MGAT4C: variants seen among roughly 807,000 people sequenced by gnomAD.
The protein encoded by MGAT4C is MGAT4 family member C.
In MGAT4C, 19 loss-of-function variants were observed where a neutral mutation model predicts 40.1. That is an observed-to-expected ratio of 0.47 (90% CI 0.33 to 0.70). The LOEUF (loss-of-function observed/expected upper bound fraction) is 0.70, where lower values mean the gene tolerates loss of function less well. Among genes scored for constraint, MGAT4C ranks in the 30% least tolerant of loss-of-function variants. The pLI is 0.02. For synonymous variants in MGAT4C, 181 were observed against 187.1 expected (o/e 0.97, Z 0.27); for missense variants, 491 against 563.2 (o/e 0.87, Z 1.30).
chr12:86,544,223 G>T lies in MGAT4C; in HGVS notation c.-228-108958C>A, dbSNP rs868016721. On this transcript the variant is annotated intron_variant, in intron 2 of 7. Coordinates refer to the MGAT4C transcript ENST00000548651. ...AATAATCTAAACTGTACATACTTTA[G>T]ATAAAATCATATTCCTGCATACATA... 2.0e-5 allele frequency among the ~76,000 whole-genome samples: 3 copies of T among 152,178 alleles called. No homozygotes were observed. In the South Asian group the frequency reaches 6.2e-4, roughly 32 times the overall value.
At chr12:86,363,794 T>C (rs1265149591) in intron 3 of MGAT4C, among the ~76,000 whole-genome samples, 2 of 151,732 alleles carry the variant, frequency 1.3e-5, no homozygotes, top group Non-Finnish European at 2.9e-5. Flanking sequence ...CCAACATCAG[T>C]AGGAAAGAGG....
intron 2 of MGAT4C, among the ~76,000 whole-genome samples, chr12:86,542,583 C>T (rs751837558): frequency 3.7e-4 from 56 of 152,276 alleles, no homozygotes; most frequent in Non-Finnish European, 3.1e-4. Flanking sequence ...CTTTTCCTCT[C>T]ATAGTACCTT....
intron 3 of MGAT4C, among the ~76,000 whole-genome samples, chr12:86,418,447 A>G (rs570788443): frequency 1.1e-4 from 16 of 152,082 alleles, no homozygotes; most frequent in African/African-American, 3.6e-4. Flanking sequence ...TACCAAAAAT[A>G]CAGGCATGGT....
At chr12:86,627,719 C>T (rs950262473) in intron 2 of MGAT4C, among the ~76,000 whole-genome samples, 6 of 152,258 alleles carry the variant, frequency 3.9e-5, no homozygotes, top group African/African-American at 1.4e-4. Context: ...AGGACATTCA[C>T]ACCAAAACCC....
intron 1 of MGAT4C, among the ~76,000 whole-genome samples, chr12:86,795,044 TTAAAAC>T (rs963417619): frequency 1.3e-5 from 2 of 151,970 alleles, no homozygotes; most frequent in African/African-American, 4.8e-5. Flanking sequence ...ATGTTCAATT[TTAAAAC>T]TAATTTATTA....
chr12:86,667,678 A>T (rs1457190350), intron 2 of MGAT4C, among the ~76,000 whole-genome samples: 1 of 152,226 alleles, frequency 6.6e-6, no homozygotes, highest in East Asian at 1.9e-4. Flanking sequence ...CTATATTCCA[A>T]TACAAATGTA....
chr12:86,651,160 C>T (rs569983383), intron 2 of MGAT4C, among the ~76,000 whole-genome samples: 4 of 151,922 alleles, frequency 2.6e-5, no homozygotes, highest in African/African-American at 7.2e-5. Context: ...ATTGTGTGTG[C>T]TATCCACCTT....
intron 1 of MGAT4C, among the ~76,000 whole-genome samples, chr12:86,153,496 T>C (rs568714099): frequency 1.3e-5 from 2 of 152,274 alleles, no homozygotes; most frequent in East Asian, 3.9e-4. Flanking sequence ...AATAATCAAA[T>C]GGGTCCATGA....
intron 3 of MGAT4C, among the ~76,000 whole-genome samples, chr12:86,408,479 C>CTCTCTCTCTCTCTATA (rs1267344319): frequency 1.6e-4 from 10 of 63,342 alleles, no homozygotes; most frequent in African/African-American, 5.5e-4. Flanking sequence ...CTCTCTCTCT[C>CTCTCTCTCTCTCTATA]TATATATATA....
intron 2 of MGAT4C, among the ~76,000 whole-genome samples, chr12:86,492,752 T>C (rs1166137675): frequency 4.0e-5 from 6 of 151,890 alleles, no homozygotes; most frequent in East Asian, 1.9e-4. Flanking sequence ...GACTTCATGT[T>C]TAAAACACCA....
chr12:86,672,747 G>A (rs926817895), intron 2 of MGAT4C, among the ~76,000 whole-genome samples: 5 of 152,052 alleles, frequency 3.3e-5, no homozygotes, highest in African/African-American at 9.7e-5. Context: ...ATAGAAACTA[G>A]AAAGTAATAG....
chr12:86,042,319 A>G (rs2136941935), intron 2 of MGAT4C, among the ~76,000 whole-genome samples: 1 of 152,332 alleles, frequency 6.6e-6, no homozygotes, highest in East Asian at 1.9e-4. Flanking sequence ...TTCAAGGTTA[A>G]TACTGATATG....
At chr12:86,792,134 T>TA (rs1219793248) in intron 1 of MGAT4C, among the ~76,000 whole-genome samples, 22 of 152,164 alleles carry the variant, frequency 1.4e-4, no homozygotes, top group Non-Finnish European at 2.4e-4. Context: ...TACAGTCAGG[T>TA]AAAATCAAAA....
At chr12:86,245,122 A>T (rs1244984334) in intron 1 of MGAT4C, among the ~76,000 whole-genome samples, 2 of 152,152 alleles carry the variant, frequency 1.3e-5, no homozygotes, top group Non-Finnish European at 2.9e-5. Context: ...ACTAAAAAAA[A>T]TACACCAAAT....
chr12:86,327,472 C>T (rs146320231), intron 4 of MGAT4C, among the ~76,000 whole-genome samples: 4 of 152,122 alleles, frequency 2.6e-5, no homozygotes, highest in African/African-American at 9.6e-5. Flanking sequence ...TTTCTTAAAG[C>T]TGTGTAAACC....
chr12:86,385,218 C>T (rs1956028414), intron 3 of MGAT4C, among the ~76,000 whole-genome samples: 2 of 151,998 alleles, frequency 1.3e-5, no homozygotes, highest in South Asian at 4.2e-4. Flanking sequence ...CATGCTCTCA[C>T]AAACAAATTA....
At chr12:86,246,710 A>G (rs1438153762) in intron 1 of MGAT4C, among the ~76,000 whole-genome samples, 1 of 152,192 alleles carries the variant, frequency 6.6e-6, no homozygotes, top group African/African-American at 2.4e-5. Context: ...AACTTTTTCC[A>G]TTCCTGAAAG....
At chr12:86,205,889 G>A (rs1413258958) in intron 1 of MGAT4C, among the ~76,000 whole-genome samples, 2 of 151,444 alleles carry the variant, frequency 1.3e-5, no homozygotes, top group African/African-American at 4.9e-5. Flanking sequence ...TGACATTTGT[G>A]TATCAATATT....
intron 2 of MGAT4C, among the ~76,000 whole-genome samples, chr12:86,678,466 A>C (rs183337112): frequency 6.9e-4 from 104 of 151,352 alleles, no homozygotes; most frequent in African/African-American, 2.3e-3. Context: ...TTTAGGGTAC[A>C]TGTGCACAAT....
Sources: gnomAD v4.1 joint callset for allele counts (sites outside exome capture counted in the v4.1 genomes callset) on GRCh38, gnomAD v4.1.1 for gene constraint, MANE v1.5 for transcripts, NCBI Gene and HGNC (gene_info 2026-07-23, HGNC 2026-07-21) for gene names.